The following GAB2 variants were observed in gnomAD, a reference collection of about 807,000 sequenced individuals.
The protein encoded by GAB2 is GRB2-associated-binding protein 2.
Under a neutral mutation model 65.5 loss-of-function variants are expected in GAB2, and 26 were observed. The ratio of observed to expected loss-of-function variants is 0.40; its 90% CI spans 0.29 to 0.55. The LOEUF (loss-of-function observed/expected upper bound fraction) is 0.55, where lower values mean the gene tolerates loss of function less well. Among genes scored for constraint, GAB2 ranks in the 20% least tolerant of loss-of-function variants. GAB2 has a pLI of 0.53. For synonymous variants in GAB2, 321 were observed against 329.6 expected (o/e 0.97, Z 0.28); for missense variants, 884 against 875.8 (o/e 1.01, Z -0.12).
chr11:78,239,645 G>A (rs1189566204), intron 3 of GAB2, among the ~76,000 whole-genome samples: 1 of 152,160 alleles, frequency 6.6e-6, no homozygotes, highest in African/African-American at 2.4e-5. Flanking sequence ...AAACACACTA[G>A]GCCTTCACCA....
At chr11:78,344,840 GT>G (rs146940467) in intron 1 of GAB2, among the ~76,000 whole-genome samples, 16 of 151,860 alleles carry the variant, frequency 1.1e-4, no homozygotes, top group Admixed American at 1.0e-3. Flanking sequence ...ACAATATCCT[GT>G]TTTTTTTGAA....
chr11:78,417,374 T>A (rs1040177616), intron 1 of GAB2, among the ~76,000 whole-genome samples: 3 of 151,948 alleles, frequency 2.0e-5, no homozygotes, highest in Non-Finnish European at 2.9e-5. Flanking sequence ...CTGTATTTAG[T>A]TCACGAGCAG....
At chr11:78,313,692 T>C (rs1488831695) in intron 1 of GAB2, among the ~76,000 whole-genome samples, 1 of 152,214 alleles carries the variant, frequency 6.6e-6, no homozygotes, top group African/African-American at 2.4e-5. Flanking sequence ...ATTACTGCCA[T>C]AGTCACTACA....
intron 1 of GAB2, among the ~76,000 whole-genome samples, chr11:78,311,629 C>T (rs929846804): frequency 1.3e-5 from 2 of 152,176 alleles, no homozygotes; most frequent in Non-Finnish European, 2.9e-5. Flanking sequence ...AAAGCCTCTG[C>T]GTGCCAGGCT....
At chr11:78,308,853 T>C (rs1565153278) in intron 1 of GAB2, among the ~76,000 whole-genome samples, 1 of 152,186 alleles carries the variant, frequency 6.6e-6, no homozygotes, top group Non-Finnish European at 1.5e-5. Flanking sequence ...ATTACATGGG[T>C]GTTTCCTTTA....
In GAB2 at chr11:78,376,766, C is replaced by T. The variant is rs1218370920; in HGVS notation, c.75+40880G>A. Among the ~76,000 whole-genome samples the T allele has an allele frequency of 2.8e-4, 43 of 151,918 alleles. 1 individual carries two copies. Among genetic ancestry groups the T allele is most frequent in the Admixed American group, 2.8e-3 (42 of 15,258 alleles). On this transcript the variant is annotated intron_variant, in intron 1 of 9. Coordinates refer to ENST00000361507, the MANE Select transcript of GAB2 (RefSeq NM_080491.3). ...GTGACTAGGGAAGTGTCTTAATCAGCCTGGGCTGCTATAACAAATTACCAT... is the reference window on the plus strand; with the variant it reads ...GTGACTAGGGAAGTGTCTTAATCAGTCTGGGCTGCTATAACAAATTACCAT...
chr11:78,375,628 T>C (rs73502903), intron 1 of GAB2, among the ~76,000 whole-genome samples: 4,190 of 152,284 alleles, frequency 0.028, 163 homozygotes, highest in African/African-American at 0.088. Flanking sequence ...AACTGAGTTT[T>C]AGATCCCATT....
chr11:78,280,847 C>G lies in GAB2; in HGVS notation c.130G>C (p.Asp44His), dbSNP rs758911105. 1.9e-6 allele frequency: 3 copies of G among 1,614,140 alleles called. No homozygotes were observed. The East Asian group carries it at 6.7e-5, about 36-fold the overall frequency. Residue 44 changes from aspartate to histidine, a missense_variant, in exon 2 of 10, where the codon GAT (aspartate) becomes CAT (histidine). Coordinates refer to ENST00000361507, the MANE Select transcript of GAB2 (RefSeq NM_080491.3). ...LRSGRMSGDP[D>H]VLEYYKNDHS... ...TCGTTCTTGTAGTATTCCAGAACAT[C>G]TGGGTCACCGCTCATCCGGCCACTC...
chr11:78,253,377 G>A lies in GAB2; in HGVS notation c.377-2977C>T, dbSNP rs138702651. ...TGCAATCATAGCTCACTATAACCTC[G>A]AACTCCCGGGCTCAAGCAATCTTCC... On this transcript the variant is annotated intron_variant, in intron 2 of 9. Transcript: ENST00000361507. 4.8e-3 allele frequency among the ~76,000 whole-genome samples: 726 copies of A among 152,050 alleles called. 3 individuals carry two copies. The highest frequency in any genetic ancestry group is 0.017 in the African/African-American group (688 of 41,450).
At chr11:78,407,110 C>T (rs1857055073) in intron 1 of GAB2, among the ~76,000 whole-genome samples, 1 of 151,860 alleles carries the variant, frequency 6.6e-6, no homozygotes, top group Admixed American at 6.6e-5. Context: ...TATGGAACTA[C>T]AACAAAAGAT....
chr11:78,287,666 T>TTG (rs1424982515), intron 1 of GAB2, among the ~76,000 whole-genome samples: 35 of 150,994 alleles, frequency 2.3e-4, no homozygotes, highest in African/African-American at 8.1e-4. Flanking sequence ...TTTTTTTTTT[T>TTG]GAGACAGAGT....
At chr11:78,254,795 C>T (rs1865550988) in intron 2 of GAB2, among the ~76,000 whole-genome samples, 1 of 150,152 alleles carries the variant, frequency 6.7e-6, no homozygotes, top group Admixed American at 6.7e-5. Context: ...GACACCTTGT[C>T]TCTAAAAAAA....
intron 1 of GAB2, among the ~76,000 whole-genome samples, chr11:78,307,521 G>C (rs539926712): frequency 6.6e-6 from 1 of 151,664 alleles, no homozygotes; most frequent in African/African-American, 2.4e-5. Flanking sequence ...ACTTTGGGAG[G>C]CCAAGATAGG....
At position 78,291,334 on chromosome 11, in the gene GAB2, C is replaced by T. The variant is rs182141354; in HGVS notation, c.76-10433G>A. 6.1e-3 allele frequency among the ~76,000 whole-genome samples: 894 copies of T among 146,552 alleles called. 9 individuals carry two copies. The highest frequency in any genetic ancestry group is 0.021 in the African/African-American group (838 of 39,596). On this transcript the variant is annotated intron_variant, in intron 1 of 9. Transcript: ENST00000361507. Reference sequence around the variant, plus strand: ...AAAAAAAATTAGCCAGGCGTGGTGGCGAGCACCTGTAGTCCCAGCTACTCG... The same window carrying T: ...AAAAAAAATTAGCCAGGCGTGGTGGTGAGCACCTGTAGTCCCAGCTACTCG...
chr11:78,308,391 G>A (rs544890845), intron 1 of GAB2, among the ~76,000 whole-genome samples: 329 of 152,286 alleles, frequency 2.2e-3, no homozygotes, highest in Admixed American at 4.0e-3. Context: ...CATCTTTGAT[G>A]TGATTATGGG....
At chr11:78,346,734 T>C (rs1173665055) in intron 1 of GAB2, among the ~76,000 whole-genome samples, 3 of 134,234 alleles carry the variant, frequency 2.2e-5, no homozygotes, top group African/African-American at 7.9e-5. Flanking sequence ...TTTTTTTTTT[T>C]TTAGGAAAAG....
intron 1 of GAB2, among the ~76,000 whole-genome samples, chr11:78,348,918 CTGAG>C (rs1856231608): frequency 6.6e-6 from 1 of 152,186 alleles, no homozygotes; most frequent in African/African-American, 2.4e-5. Flanking sequence ...AATCACTATG[CTGAG>C]TGAAATAAGC....
chr11:78,412,933 T>C (rs1164084234), intron 1 of GAB2, among the ~76,000 whole-genome samples: 3 of 152,186 alleles, frequency 2.0e-5, no homozygotes, highest in Non-Finnish European at 2.9e-5. Context: ...TAACAAGATA[T>C]TTAGATGATA....
chr11:78,221,949 C>G (rs539521800), intron 7 of GAB2, among the ~76,000 whole-genome samples, 156 bp downstream of exon 7: 2 of 152,318 alleles, frequency 1.3e-5, no homozygotes, highest in African/African-American at 4.8e-5. Context: ...TCTTTTACAG[C>G]TGAGGAAACC....
Sources: allele counts gnomAD v4.1 joint callset (sites outside exome capture counted in the v4.1 genomes callset), GRCh38; gene constraint gnomAD v4.1.1; transcripts MANE v1.5; gene names NCBI Gene and HGNC (gene_info 2026-07-23, HGNC 2026-07-21).